Variants in CELSR1 observed in about 807,000 individuals in gnomAD.
CELSR1 encodes adhesion G protein-coupled receptor C1.
CELSR1 carries 110 observed loss-of-function variants against 249.1 expected under a neutral mutation model. The observed-to-expected ratio is 0.44, with a 90% confidence interval of 0.38 to 0.52. The LOEUF (loss-of-function observed/expected upper bound fraction) is 0.52. Among genes scored for constraint, CELSR1 ranks in the 20% least tolerant of loss-of-function variants. The probability of loss-of-function intolerance (pLI) is 0.00; values close to 1 mark genes in which losing one functional copy is unlikely to be tolerated. For synonymous variants in CELSR1, 2,113 were observed against 1,900.0 expected, an observed-to-expected ratio of 1.11 and a Z score of -2.92; for missense variants, 4,109 against 4,296.4, an observed-to-expected ratio of 0.96 and a Z score of 1.22.
chr22:46,475,524 G>A (rs774940534), intron 1 of CELSR1, among the ~76,000 whole-genome samples: 8 of 152,120 alleles, frequency 5.3e-5, no homozygotes, highest in Admixed American at 2.6e-4. Context: ...GGAAGATGAG[G>A]AAGTTCTGGA....
chr22:46,451,016 G>A (rs946871274), intron 2 of CELSR1, among the ~76,000 whole-genome samples: 7 of 152,130 alleles, frequency 4.6e-5, no homozygotes, highest in Admixed American at 1.3e-4. Context: ...CCTGAGACAG[G>A]AGGCACCCTC....
Position 46,436,786 on chromosome 22 carries a change from A to G in CELSR1, c.4407-497T>C, listed in dbSNP as rs563299649. Among the ~76,000 whole-genome samples the G allele has an allele frequency of 1.3e-3, 205 of 152,266 alleles. 2 individuals are homozygous for G. Among genetic ancestry groups the G allele is most frequent in the African/African-American group, 4.7e-3 (194 of 41,534 alleles). ...TTTGGCTCCCAAACACAGGTCAAAA[A>G]GACCCCAGGGCCTTTGCACCAGCTG... On this transcript the variant is annotated intron_variant, in intron 3 of 34. Transcript: ENST00000674500. This position sits in a 1 kb window ranked among gnomAD's most constrained non-coding sequence, Gnocchi z 5.9.
intron 20 of CELSR1, among the ~76,000 whole-genome samples, chr22:46,382,727 G>A (rs1444830364): frequency 2.0e-5 from 3 of 152,188 alleles, no homozygotes; most frequent in Non-Finnish European, 4.4e-5. Flanking sequence ...TCAAAAGGAG[G>A]GGAAGTCTGA....
rs1344129523 is a variant in CELSR1, at chr22:46,411,210, AAAC to A, written c.4769+389_4769+391del. 2.6e-5 allele frequency among the ~76,000 whole-genome samples: 4 copies of A among 152,114 alleles called. No individual in the cohort carries two copies. The highest frequency in any genetic ancestry group is 7.2e-5 in the African/African-American group (3 of 41,416). ...CGAGACCCCATCTCAGAAAAAAACA[AAAC>A]AACAACAAAAAAACATAAGCCTCTG... On this transcript the variant is annotated intron_variant, in intron 6 of 34. Transcript: ENST00000674500. The surrounding 1 kb of genome is among the most constrained non-coding windows in gnomAD (Gnocchi z 4.2).
intron 1 of CELSR1, among the ~76,000 whole-genome samples, chr22:46,504,329 T>C (rs982871771): frequency 2.6e-5 from 4 of 151,722 alleles, no homozygotes; most frequent in African/African-American, 9.7e-5. Context: ...CTGGTCAATA[T>C]GTTGAAACCC....
chr22:46,474,356 C>A (rs1382600460), intron 1 of CELSR1, among the ~76,000 whole-genome samples: 4 of 152,100 alleles, frequency 2.6e-5, no homozygotes, highest in African/African-American at 9.7e-5. Context: ...GTAACCCCAC[C>A]ACTGCCATCC....
chr22:46,371,097 T>C (rs563876831), intron 25 of CELSR1, among the ~76,000 whole-genome samples: 101 of 152,292 alleles, frequency 6.6e-4, no homozygotes, highest in Non-Finnish European at 1.3e-3. Flanking sequence ...CGCCTCCCTG[T>C]CACATCAGGA....
chr22:46,364,366 TCCCAGGGCTAGGCCAGGAGG>T, intron 33 of CELSR1, 115 bp from the exon 34 acceptor site: 1 of 1,515,678 alleles, frequency 6.6e-7, no homozygotes, highest in East Asian at 2.3e-5. Flanking sequence ...GTTCCCCGGG[TCCCAGGGCTAGGCCAGGAGG>T]CCACGTCTGT....
intron 1 of CELSR1, among the ~76,000 whole-genome samples, chr22:46,504,070 C>A (rs1383493115): frequency 1.3e-5 from 2 of 152,124 alleles, no homozygotes; most frequent in Non-Finnish European, 2.9e-5. Flanking sequence ...TTAAGACCTA[C>A]ATGGCAAAAG....
At chr22:46,370,113 A>G in intron 25 of CELSR1, 1 of 497,428 alleles carries the variant, frequency 2.0e-6, no homozygotes, top group Non-Finnish European at 3.9e-6. Context: ...ATGGTGCAGG[A>G]GGGATCGTGA....
intron 25 of CELSR1, among the ~76,000 whole-genome samples, chr22:46,372,635 C>T (rs564072117): frequency 1.3e-5 from 2 of 152,076 alleles, no homozygotes; most frequent in East Asian, 3.9e-4. Context: ...TTAAGTGCTG[C>T]AGAAATAACC....
intron 1 of CELSR1, among the ~76,000 whole-genome samples, chr22:46,475,697 A>G (rs2080201780): frequency 1.3e-5 from 2 of 152,250 alleles, no homozygotes; most frequent in Admixed American, 1.3e-4. Flanking sequence ...AGCTACGAAG[A>G]TATCTAAAAC....
At chr22:46,531,908 G>A (rs2080795889) in intron 1 of CELSR1, among the ~76,000 whole-genome samples, 1 of 152,218 alleles carries the variant, frequency 6.6e-6, no homozygotes, top group African/African-American at 2.4e-5. Context: ...TTACACGAGA[G>A]TACGAGTGTG....
chr22:46,463,939 C>T lies in CELSR1; in HGVS notation c.3951G>A (p.Lys1317=). Residue 1317 remains lysine, a synonymous_variant, in exon 2 of 35, where the codon AAG becomes AAA. Transcript: ENST00000674500. ...TGTCGAATCGCAGAACGGACACGCA[C>T]TTCATGTAGTTCTCGCAGGGCTCGC... ...CLREPCENYM[K]CVSVLRFDSS... 6.2e-7 allele frequency: 1 copy of T among 1,614,016 alleles called. No homozygotes were observed. The highest frequency in any genetic ancestry group is 1.1e-5 in the South Asian group (1 of 91,090).
rs944817570 is a variant in CELSR1, at chr22:46,454,409, A to C, written c.4183+9298T>G. 6.6e-6 allele frequency among the ~76,000 whole-genome samples: 1 copy of C among 152,218 alleles called. No homozygotes were observed. Among genetic ancestry groups the C allele is most frequent in the African/African-American group, 2.4e-5 (1 of 41,456 alleles). On this transcript the variant is annotated intron_variant, in intron 2 of 34. Coordinates refer to ENST00000674500, the MANE Select transcript of CELSR1 (RefSeq NM_001378328.1). This position sits in a 1 kb window ranked among gnomAD's most constrained non-coding sequence, Gnocchi z 5.1. ...CACGGAGCCCACACTCTCTCTGCAG[A>C]AGCAGCATCCCTCCAGTGCACGCAC...
Position 46,401,050 on chromosome 22 carries a change from G to A in CELSR1, c.5227-1148C>T, listed in dbSNP as rs1340532348. Among the ~76,000 whole-genome samples, 2 of 152,074 alleles carry A rather than the reference G, an allele frequency of 1.3e-5. No homozygotes were observed. Among genetic ancestry groups the A allele is most frequent in the East Asian group, 1.9e-4 (1 of 5,180 alleles). On this transcript the variant is annotated intron_variant, in intron 9 of 34. Transcript: ENST00000674500. This position sits in a 1 kb window ranked among gnomAD's most constrained non-coding sequence, Gnocchi z 4.7. The stretch of plus-strand genomic sequence containing the variant: ...TATTCTACGGGAAAAAGGATCAATC[G>A]CTTCATGGAGGTCAAGTAAGGGAAG...
chr22:46,398,673 C>T lies in CELSR1; in HGVS notation c.5413-36G>A, dbSNP rs374488102. On this transcript the variant is annotated intron_variant, in intron 10 of 34. Coordinates refer to ENST00000674500, the MANE Select transcript of CELSR1 (RefSeq NM_001378328.1). The surrounding 1 kb of genome is among the most constrained non-coding windows in gnomAD (Gnocchi z 7.2). ...AGAGGGGCCGGGGATCTGGGGGCTG[C>T]ATCCACCATCCTAGAAACGTCTCTC... 169 of 1,513,900 alleles carry T rather than the reference C, an allele frequency of 1.1e-4. No individual in the cohort carries two copies. Among genetic ancestry groups the T allele is most frequent in the Non-Finnish European group, 1.5e-4 (163 of 1,105,618 alleles). The allele number at this position is 1,513,900 out of a possible 1,614,324, so 93.8% of individuals were successfully genotyped here.
At position 46,507,746 on chromosome 22, in the gene CELSR1, G is replaced by A. The variant is rs566329874; in HGVS notation, c.3544+25881C>T. Reference sequence around the variant, plus strand: ...CGAAGCCCCGCCCCTAGAGTACTGGGGAGCCTGTTCAGTGGGGCAGGGGCC... The same window carrying A: ...CGAAGCCCCGCCCCTAGAGTACTGGAGAGCCTGTTCAGTGGGGCAGGGGCC... On this transcript the variant is annotated intron_variant, in intron 1 of 34. Coordinates refer to ENST00000674500, the MANE Select transcript of CELSR1 (RefSeq NM_001378328.1). Among the ~76,000 whole-genome samples the A allele has an allele frequency of 2.6e-5, 4 of 152,162 alleles. No individual in the cohort carries two copies. In the South Asian group the frequency reaches 8.3e-4, roughly 32 times the overall value.
intron 4 of CELSR1, among the ~76,000 whole-genome samples, chr22:46,435,280 T>A (rs868080379): frequency 6.6e-4 from 56 of 85,328 alleles, no homozygotes; most frequent in African/African-American, 3.5e-3. Flanking sequence ...AAAAAAAAAA[T>A]TTTTTTTTTT....
Sources: allele counts gnomAD v4.1 joint callset (sites outside exome capture counted in the v4.1 genomes callset), GRCh38; gene constraint gnomAD v4.1.1; non-coding constraint Gnocchi (gnomAD v3.1); transcripts MANE v1.5; gene names NCBI Gene and HGNC (gene_info 2026-07-23, HGNC 2026-07-21).